IDE: variants seen among roughly 807,000 people sequenced by gnomAD.
The protein encoded by IDE is insulin degrading enzyme, also known as insulin-degrading enzyme.
A neutral mutation model predicts 133.2 loss-of-function variants in IDE; 58 were observed. That is an observed-to-expected ratio of 0.44 (90% CI 0.35 to 0.54). The LOEUF (loss-of-function observed/expected upper bound fraction) is 0.54, where lower values mean the gene tolerates loss of function less well. Ranked by LOEUF, IDE falls within the 20% of genes least tolerant of loss-of-function variation. The probability of loss-of-function intolerance (pLI) is 0.00; values close to 1 mark genes in which losing one functional copy is unlikely to be tolerated. For missense variants in IDE, 981 were observed against 1,234.0 expected (o/e 0.79, Z 3.07); for synonymous variants, 396 against 421.3 (o/e 0.94, Z 0.73).
intron 14 of IDE, among the ~76,000 whole-genome samples, chr10:92,482,830 G>C (rs1589397996): frequency 6.6e-6 from 1 of 150,766 alleles, no homozygotes; most frequent in Non-Finnish European, 1.5e-5. Context: ...TTTTGAGACA[G>C]AGTCTGGCTC....
intron 17 of IDE, among the ~76,000 whole-genome samples, chr10:92,471,827 T>C (rs895021881): frequency 3.3e-5 from 5 of 152,136 alleles, no homozygotes; most frequent in African/African-American, 9.7e-5. Context: ...GCCTCTTGAG[T>C]AGCTAGGAAT....
At chr10:92,552,857 C>CAAAAAAAAAA (rs71028827) in intron 1 of IDE, among the ~76,000 whole-genome samples, 1,614 of 48,878 alleles carry the variant, frequency 0.033, 131 homozygotes, top group East Asian at 0.042. Flanking sequence ...GACTCAGTCT[C>CAAAAAAAAAA]AAAAAAAAAA....
chr10:92,507,363 C>T (rs1168710949), intron 9 of IDE, among the ~76,000 whole-genome samples: 1 of 152,144 alleles, frequency 6.6e-6, no homozygotes, highest in Admixed American at 6.5e-5. Context: ...AAAAGGGCTA[C>T]ACGATGCCTT....
intron 20 of IDE, 66 bp downstream of exon 20, chr10:92,465,610 T>C: frequency 7.1e-7 from 1 of 1,416,452 alleles, no homozygotes; most frequent in South Asian, 1.2e-5. Context: ...ATGTGGAAAA[T>C]GTTTTACAGG....
chr10:92,528,478 A>C (rs956829651), intron 4 of IDE, among the ~76,000 whole-genome samples: 3 of 152,046 alleles, frequency 2.0e-5, no homozygotes, highest in African/African-American at 7.2e-5. Flanking sequence ...AAAAAAACAG[A>C]ATATAAGGGA....
chr10:92,566,635 C>T (rs1203447436), intron 1 of IDE, among the ~76,000 whole-genome samples: 4 of 150,240 alleles, frequency 2.7e-5, no homozygotes, highest in Admixed American at 1.3e-4. Flanking sequence ...TGGTTGAGGG[C>T]AGGTGGGGAT....
intron 1 of IDE, among the ~76,000 whole-genome samples, chr10:92,542,766 T>C (rs1044683423): frequency 6.6e-6 from 1 of 152,004 alleles, no homozygotes; most frequent in Non-Finnish European, 1.5e-5. Flanking sequence ...AGGAATACAG[T>C]GGAAAAACAA....
At chr10:92,512,678 T>C (rs1020034108) in intron 5 of IDE, among the ~76,000 whole-genome samples, 8 of 151,642 alleles carry the variant, frequency 5.3e-5, no homozygotes, top group African/African-American at 1.9e-4. Context: ...CATTACAGAG[T>C]ATGCTTTTTT....
chr10:92,548,583 G>T (rs1447336067), intron 1 of IDE, among the ~76,000 whole-genome samples: 1 of 152,016 alleles, frequency 6.6e-6, no homozygotes, highest in African/African-American at 2.4e-5. Flanking sequence ...CATTATTATG[G>T]TCGCAGTGGC....
At chr10:92,573,255 T>C (rs1843875251) in intron 1 of IDE, 1 of 879,682 alleles carries the variant, frequency 1.1e-6, no homozygotes, top group African/African-American at 1.8e-5. Context: ...ATCTCGGCAG[T>C]TGCTGGGAAA....
chr10:92,552,831 C>G (rs992380571), intron 1 of IDE, among the ~76,000 whole-genome samples: 1 of 99,622 alleles, frequency 1.0e-5, no homozygotes, highest in African/African-American at 4.7e-5. Context: ...GTACTCCAGC[C>G]TGGGTGACAG....
chr10:92,572,543 C>T (rs375737236), intron 1 of IDE, among the ~76,000 whole-genome samples: 22 of 152,318 alleles, frequency 1.4e-4, no homozygotes, highest in African/African-American at 5.1e-4. Context: ...TGCACACAGC[C>T]ACCAAACTAC....
chr10:92,479,598 GAA>G (rs1337184360), intron 14 of IDE, 177 bp from the exon 15 acceptor site: 1 of 569,394 alleles, frequency 1.8e-6, no homozygotes, highest in Non-Finnish European at 3.1e-6. Flanking sequence ...AAAGAAGCCT[GAA>G]GTGTGTGTGA....
chr10:92,492,182 C>T (rs1473548491), intron 11 of IDE, among the ~76,000 whole-genome samples: 1 of 151,582 alleles, frequency 6.6e-6, no homozygotes, highest in Non-Finnish European at 1.5e-5. Context: ...ATGGCGTGAA[C>T]CCGGAAGGCG....
rs77754791 is a variant in IDE at position 92,484,048 on chromosome 10, A to G, written c.1657-711T>C. Among the ~76,000 whole-genome samples the G allele has an allele frequency of 4.9e-3, 750 of 152,288 alleles. 8 individuals carry two copies. Among genetic ancestry groups the G allele is most frequent in the African/African-American group, 0.017 (713 of 41,570 alleles). On this transcript the variant is annotated intron_variant, in intron 13 of 24. Transcript: ENST00000265986. ...TGAAACCTTGGCCAACAGCTTGACT[A>G]TAACCTCACGACAAGCCCTGAGCCA...
chr10:92,523,532 TA>T (rs35361515), intron 4 of IDE, among the ~76,000 whole-genome samples: 23,924 of 132,110 alleles, frequency 0.18, 2,162 homozygotes, highest in Middle Eastern at 0.22. Flanking sequence ...GGTCTCTACT[TA>T]AAAAAAAAAA....
chr10:92,477,179 G>T (rs1322693896), intron 15 of IDE, among the ~76,000 whole-genome samples: 1 of 152,042 alleles, frequency 6.6e-6, no homozygotes, highest in South Asian at 2.1e-4. Flanking sequence ...CTGAGACAGG[G>T]TCTGGCTCTG....
Position 92,534,753 on chromosome 10 carries a change from A to G in IDE, c.316T>C (p.Leu106=), listed in dbSNP as rs1362721951. 4 of 1,613,716 alleles carry G rather than the reference A, an allele frequency of 2.5e-6. No individual in the cohort carries two copies. The African/African-American group carries it at 5.3e-5, about 22-fold the overall frequency. The part of the protein sequence containing the change: ...SLSDPPNIAG[L]SHFCEHMLFL... The stretch of plus-strand genomic sequence containing the variant: ...AGCATATGTTCACAAAAATGACTTA[A>G]GCCAGCAATATTTGGAGGATCCGAC... The change falls in exon 3 of 25, where the codon TTA becomes CTA. Residue 106 remains leucine (L), a synonymous_variant. Coordinates refer to ENST00000265986, the MANE Select transcript of IDE (RefSeq NM_004969.4).
At chr10:92,465,383 C>T (rs1845623881) in intron 20 of IDE, among the ~76,000 whole-genome samples, 1 of 152,198 alleles carries the variant, frequency 6.6e-6, no homozygotes, top group South Asian at 2.1e-4. Flanking sequence ...GCTCATTTCT[C>T]ATCTTGCTAC....
Sources: gnomAD v4.1 joint callset for allele counts (sites outside exome capture counted in the v4.1 genomes callset) on GRCh38, gnomAD v4.1.1 for gene constraint, MANE v1.5 for transcripts, NCBI Gene and HGNC (gene_info 2026-07-23, HGNC 2026-07-21) for gene names.